The following TMEM265 variants were observed in gnomAD, a reference collection of about 807,000 sequenced individuals.
TMEM265 encodes transmembrane protein 265.
Under a neutral mutation model 9.5 loss-of-function variants are expected in TMEM265, and 8 were observed. That is an observed-to-expected ratio of 0.84 (90% CI 0.49 to 1.52). The LOEUF (loss-of-function observed/expected upper bound fraction) is 1.52. Ranked by LOEUF, TMEM265 falls within the 40% of genes most tolerant of loss-of-function variation. TMEM265 has a pLI of 0.00. For missense variants in TMEM265, 152 were observed against 146.2 expected, an observed-to-expected ratio of 1.04 and a Z score of -0.21; for synonymous variants, 53 against 56.9, an observed-to-expected ratio of 0.93 and a Z score of 0.31.
At chr16:30,742,924 C>CAAAAAAAAA (rs11300181) in intron 2 of TMEM265, among the ~76,000 whole-genome samples, 1 of 114,704 alleles carries the variant, frequency 8.7e-6, no homozygotes, top group Non-Finnish European at 1.9e-5. Context: ...GACTCTGTCT[C>CAAAAAAAAA]AAAAAAAAAA....
intron 1 of TMEM265, 32 bp from the exon 2 acceptor site, chr16:30,741,709 G>C: frequency 6.6e-7 from 1 of 1,518,318 alleles, no homozygotes; most frequent in South Asian, 1.2e-5. Context: ...CTCTGTTGTT[G>C]GGCTCACAAG....
rs564931160 is a variant in TMEM265, at chr16:30,741,921, A to G, written c.165+13A>G. On this transcript the variant is annotated intron_variant, in intron 2 of 2. Transcript: ENST00000615541. ...GTTTGCCATCAAGGTGAGGAGTGCAATTCCCATGGGAATGGGGGTGGGTAT... is the reference window on the plus strand; with the variant it reads ...GTTTGCCATCAAGGTGAGGAGTGCAGTTCCCATGGGAATGGGGGTGGGTAT... 4.2e-5 allele frequency: 65 copies of G among 1,532,466 alleles called. No individual in the cohort carries two copies. Among genetic ancestry groups the G allele is most frequent in the Non-Finnish European group, 5.2e-5 (59 of 1,145,476 alleles). 94.9% of individuals were successfully genotyped at this position (1,532,466 alleles called of 1,614,324 possible). A position where few individuals can be genotyped will look rare whatever the true frequency, so the allele number is the denominator to read the frequency against.
chr16:30,741,860 C>T lies in TMEM265; in HGVS notation c.117C>T (p.Ile39=). Residue 39 remains isoleucine, a synonymous_variant, in exon 2 of 3, where the codon ATC becomes ATT. Transcript: ENST00000615541. ...RLRCLAATSI[I]CGCSCLGVMA... ...GCTGCTTGGCAGCTACTAGCATTAT[C>T]TGTGGCTGCTCTTGCCTGGGAGTCA... The T allele has an allele frequency of 6.5e-7, 1 of 1,533,972 alleles. No individual in the cohort carries two copies. Among genetic ancestry groups the T allele is most frequent in the Non-Finnish European group, 8.7e-7 (1 of 1,146,730 alleles).
chr16:30,741,984 A>AG, intron 2 of TMEM265, 76 bp downstream of exon 2: 1 of 1,418,058 alleles, frequency 7.1e-7, no homozygotes, highest in South Asian at 1.3e-5. Flanking sequence ...ATCTACATTG[A>AG]CCAGTCACTG....
At chr16:30,742,686 G>C (rs984369823) in intron 2 of TMEM265, among the ~76,000 whole-genome samples, 8 of 152,142 alleles carry the variant, frequency 5.3e-5, no homozygotes, top group African/African-American at 1.9e-4. Flanking sequence ...CCAGCACTTT[G>C]GGAGGCCGAG....
intron 2 of TMEM265, among the ~76,000 whole-genome samples, chr16:30,742,307 A>G (rs1223622870): frequency 6.6e-6 from 1 of 152,192 alleles, no homozygotes. Flanking sequence ...AGCAGTGTGT[A>G]CAAAGGCCTG....
chr16:30,742,654 G>A (rs916171692), intron 2 of TMEM265, among the ~76,000 whole-genome samples: 6 of 151,916 alleles, frequency 3.9e-5, no homozygotes, highest in South Asian at 2.1e-4. Context: ...TCCGCCGGGC[G>A]TGGTGACTTA....
At chr16:30,742,257 GGTGA>G (rs1270092914) in intron 2 of TMEM265, among the ~76,000 whole-genome samples, 5 of 152,238 alleles carry the variant, frequency 3.3e-5, no homozygotes, top group Admixed American at 6.5e-5. Context: ...AATCTTAAAG[GGTGA>G]GTGAGTAAGT....
At chr16:30,743,719 G>T in intron 2 of TMEM265, 63 bp from the exon 3 acceptor site, 1 of 1,455,952 alleles carries the variant, frequency 6.9e-7, no homozygotes, top group Non-Finnish European at 9.1e-7. Context: ...GGAGCGGAGT[G>T]GGGAAATGGG....
chr16:30,742,037 A>C, intron 2 of TMEM265, 129 bp downstream of exon 2: 1 of 1,017,520 alleles, frequency 9.8e-7, no homozygotes, highest in Non-Finnish European at 1.4e-6. Flanking sequence ...AAATAAGAAT[A>C]AGACAGGGTT....
chr16:30,744,446 A>AC lies in TMEM265; in HGVS notation c.*507dup, dbSNP rs2053244157. ...TCTGGAAGTTTCCCTTCTTGGAAAG[A>AC]CCCCAGCTTCTCCCTTGTACGTCCA... is the stretch of plus-strand genomic sequence containing the variant. On this transcript the variant is annotated 3_prime_UTR_variant, in exon 3 of 3. Transcript: ENST00000615541. The AC allele has an allele frequency of 6.6e-6, 1 of 152,142 alleles. No homozygotes were observed. The highest frequency in any genetic ancestry group is 1.5e-5 in the Non-Finnish European group (1 of 68,058). 9.4% of individuals were successfully genotyped at this position (152,142 alleles called of 1,614,324 possible). A position where few individuals can be genotyped will look rare whatever the true frequency, so the allele number is the denominator to read the frequency against.
chr16:30,741,703 G>A, intron 1 of TMEM265, 38 bp from the exon 2 acceptor site: 1 of 1,516,022 alleles, frequency 6.6e-7, no homozygotes, highest in East Asian at 2.5e-5. Context: ...CAAGGGCTCT[G>A]TTGTTGGGCT....
In TMEM265 at chr16:30,741,861, T is replaced by C. The variant is rs1178746319; in HGVS notation, c.118T>C (p.Cys40Arg). 3 of 1,533,984 alleles carry C rather than the reference T, an allele frequency of 2.0e-6. No individual in the cohort carries two copies. The highest frequency in any genetic ancestry group is 4.6e-4 in the Middle Eastern group (2 of 4,358). Reference protein sequence around the residue: ...LRCLAATSIICGCSCLGVMAL... With the variant: ...LRCLAATSIIRGCSCLGVMAL... ...CTGCTTGGCAGCTACTAGCATTATC[T>C]GTGGCTGCTCTTGCCTGGGAGTCAT... Residue 40 changes from cysteine (C) to arginine (R), a missense_variant, in exon 2 of 3, where the codon TGT becomes CGT. Cys to Arg is a radical substitution (Grantham distance 180). Coordinates refer to ENST00000615541, the MANE Select transcript of TMEM265 (RefSeq NM_001256829.2).
chr16:30,743,695 G>A (rs1460204122), intron 2 of TMEM265, 87 bp from the exon 3 acceptor site: 15 of 1,403,792 alleles, frequency 1.1e-5, no homozygotes, highest in African/African-American at 2.9e-5. Context: ...ATTTTGATCC[G>A]TGACAGGGAA....
In TMEM265 at chr16:30,743,915, T is replaced by C; in HGVS notation, c.299T>C (p.Leu100Pro). Residue 100 changes from leucine (L) to proline (P), a missense_variant, in exon 3 of 3, where the codon CTC becomes CCC. Leu to Pro is a moderately conservative substitution (Grantham distance 98). Transcript: ENST00000615541. ...LILGPLLLWL[L>P]SYAIAQAE Reference sequence around the variant, plus strand: ...CTGGGTCCCCTGCTGCTGTGGTTGCTCTCCTACGCCATCGCTCAGGCTGAG... The same window carrying C: ...CTGGGTCCCCTGCTGCTGTGGTTGCCCTCCTACGCCATCGCTCAGGCTGAG... 3.3e-6 allele frequency: 5 copies of C among 1,533,784 alleles called. No individual in the cohort carries two copies. The highest frequency in any genetic ancestry group is 4.4e-6 in the Non-Finnish European group (5 of 1,146,672).
rs1266455567 is a variant in TMEM265 at position 30,744,952 on chromosome 16, G to A, written c.*1009G>A. ...ACATATAGGAAAATACCCAAAACAA[G>A]TATACAGTTCATTAACACAAAGCAA... On this transcript the variant is annotated 3_prime_UTR_variant, in exon 3 of 3. Transcript: ENST00000615541. 6.6e-6 allele frequency: 1 copy of A among 152,178 alleles called. No homozygotes were observed. Among genetic ancestry groups the A allele is most frequent in the East Asian group, 1.9e-4 (1 of 5,186 alleles). The allele number at this position is 152,178 out of a possible 1,614,324, so 9.4% of individuals were successfully genotyped here. A position where few individuals can be genotyped will look rare whatever the true frequency, so the allele number is the denominator to read the frequency against.
rs1242381407 is a variant in TMEM265, at chr16:30,744,739, A to G, written c.*796A>G. On this transcript the variant is annotated 3_prime_UTR_variant, in exon 3 of 3. Transcript: ENST00000615541. ...ACAGATTTGCACAAGGTCCTCAGCT[A>G]CTAAATGGTAGAGCTGAGACTGAAC... 1 of 152,218 alleles carries G rather than the reference A, an allele frequency of 6.6e-6. No homozygotes were observed. Among genetic ancestry groups the G allele is most frequent in the Non-Finnish European group, 1.5e-5 (1 of 68,038 alleles). 9.4% of individuals were successfully genotyped at this position (152,218 alleles called of 1,614,324 possible). A position where few individuals can be genotyped will look rare whatever the true frequency, so the allele number is the denominator to read the frequency against.
intron 2 of TMEM265, among the ~76,000 whole-genome samples, chr16:30,742,803 G>A (rs1043609379): frequency 9.2e-5 from 14 of 151,450 alleles, no homozygotes; most frequent in African/African-American, 3.2e-4. Context: ...GTGCGTGCCT[G>A]TAATCCCAGC....
At chr16:30,743,215 C>T (rs946730946) in intron 2 of TMEM265, among the ~76,000 whole-genome samples, 8 of 152,088 alleles carry the variant, frequency 5.3e-5, no homozygotes, top group South Asian at 2.1e-4. Flanking sequence ...GGTGAAACCC[C>T]GTCTCTACTA....
Sources: gnomAD v4.1 joint callset for allele counts (sites outside exome capture counted in the v4.1 genomes callset) on GRCh38, gnomAD v4.1.1 for gene constraint, MANE v1.5 for transcripts, NCBI Gene and HGNC (gene_info 2026-07-23, HGNC 2026-07-21) for gene names.